Variants in ARK2C observed in about 807,000 individuals in gnomAD.
ARK2C encodes the protein E3 ubiquitin-protein ligase ARK2C.
the ARK2C span, among the ~76,000 whole-genome samples, chr18:46,411,638 C>T: frequency 6.6e-6 from 1 of 152,172 alleles, no homozygotes; most frequent in Non-Finnish European, 1.5e-5. Context: ...AGAGCCCATC[C>T]CAGGGAGGGG....
At chr18:46,415,324 C>T in the ARK2C span, among the ~76,000 whole-genome samples, 1 of 152,036 alleles carries the variant, frequency 6.6e-6, no homozygotes, top group African/African-American at 2.4e-5. Flanking sequence ...ATGGAGACCA[C>T]CCTGGCTAAC....
At chr18:46,389,079 G>T in the ARK2C span, among the ~76,000 whole-genome samples, 8 of 152,286 alleles carry the variant, frequency 5.3e-5, no homozygotes, top group Non-Finnish European at 8.8e-5. Context: ...GGAGGGGGAA[G>T]ACAGGCTTAG....
the ARK2C span, among the ~76,000 whole-genome samples, chr18:46,377,452 G>A: frequency 6.6e-6 from 1 of 152,192 alleles, no homozygotes; most frequent in African/African-American, 2.4e-5. Flanking sequence ...GGAGCATCCC[G>A]AGAACCCACA....
the ARK2C span, among the ~76,000 whole-genome samples, chr18:46,428,727 C>A: frequency 6.6e-6 from 1 of 152,184 alleles, no homozygotes; most frequent in Admixed American, 6.5e-5. Flanking sequence ...TAATTTTTTA[C>A]ATAGAATACA....
the ARK2C span, among the ~76,000 whole-genome samples, chr18:46,382,297 G>C: frequency 6.6e-6 from 1 of 152,168 alleles, no homozygotes; most frequent in African/African-American, 2.4e-5. Context: ...GCAGGAGCCC[G>C]TGCCTGGCCC....
the ARK2C span, among the ~76,000 whole-genome samples, chr18:46,425,312 G>A: frequency 5.5e-4 from 83 of 152,202 alleles, no homozygotes; most frequent in African/African-American, 2.0e-3. Context: ...TGGTCAGCTG[G>A]CAGGCCTGCA....
chr18:46,364,024 T>C, the ARK2C span, among the ~76,000 whole-genome samples: 3 of 149,118 alleles, frequency 2.0e-5, no homozygotes, highest in Admixed American at 1.3e-4. Context: ...CTCAGTTCAC[T>C]GCAACCTCTG....
chr18:46,372,734 A>G, the ARK2C span, among the ~76,000 whole-genome samples: 1 of 152,190 alleles, frequency 6.6e-6, no homozygotes, highest in Admixed American at 6.5e-5. Context: ...AGCTTCTGTT[A>G]CCTGTGGCCA....
the ARK2C span, chr18:46,335,045 C>CGT: frequency 0.44 from 64,394 of 145,716 alleles, 14,331 homozygotes; most frequent in South Asian, 0.52. Context: ...TGCTTGGGCG[C>CGT]GTGTGTGTGT....
the ARK2C span, among the ~76,000 whole-genome samples, chr18:46,410,627 A>G: frequency 6.6e-6 from 1 of 152,210 alleles, no homozygotes; most frequent in Non-Finnish European, 1.5e-5. Context: ...ATGCCCAGAA[A>G]CACTCAAATC....
At chr18:46,436,055 C>T in the ARK2C span, among the ~76,000 whole-genome samples, 1 of 152,180 alleles carries the variant, frequency 6.6e-6, no homozygotes, top group African/African-American at 2.4e-5. Flanking sequence ...TGCAGGGTCG[C>T]TTGGTTTTGG....
At chr18:46,456,706 A>C in the ARK2C span, 1 of 1,113,322 alleles carries the variant, frequency 9.0e-7, no homozygotes, top group South Asian at 1.3e-5. Flanking sequence ...CCTTGCAGCC[A>C]AACTTTGCCT....
At chr18:46,381,273 T>C in the ARK2C span, among the ~76,000 whole-genome samples, 2 of 152,242 alleles carry the variant, frequency 1.3e-5, no homozygotes, top group Non-Finnish European at 2.9e-5. Context: ...CCGTGGTCTC[T>C]GAGGAGTCAG....
the ARK2C span, among the ~76,000 whole-genome samples, chr18:46,404,002 A>T: frequency 6.6e-6 from 1 of 152,218 alleles, no homozygotes; most frequent in East Asian, 1.9e-4. Context: ...TGTGATTAAC[A>T]ATTCCCTCTT....
chr18:46,337,491 G>A, the ARK2C span: 12 of 985,260 alleles, frequency 1.2e-5, no homozygotes, highest in African/African-American at 1.7e-5. Flanking sequence ...TGTAGCCCGG[G>A]CCATCTGCTC....
chr18:46,378,814 T>G, the ARK2C span, among the ~76,000 whole-genome samples: 1 of 152,158 alleles, frequency 6.6e-6, no homozygotes, highest in Non-Finnish European at 1.5e-5. Flanking sequence ...CTGCTATGGA[T>G]GGTGGGGAGC....
the ARK2C span, among the ~76,000 whole-genome samples, chr18:46,398,898 AG>A: frequency 1.3e-5 from 2 of 151,806 alleles, no homozygotes; most frequent in African/African-American, 2.4e-5. Context: ...GTCATCGTCT[AG>A]GATGCACATG....
the ARK2C span, among the ~76,000 whole-genome samples, chr18:46,376,964 G>A: frequency 3.9e-5 from 6 of 152,118 alleles, no homozygotes; most frequent in East Asian, 1.9e-4. Context: ...CACAGGGCCC[G>A]GCCAAGAATC....
the ARK2C span, among the ~76,000 whole-genome samples, chr18:46,381,991 G>A: frequency 6.6e-6 from 1 of 152,198 alleles, no homozygotes; most frequent in African/African-American, 2.4e-5. Flanking sequence ...TCAGGGGTGA[G>A]ATGCTCTGCA....
Sources: allele counts gnomAD v4.1 joint callset (sites outside exome capture counted in the v4.1 genomes callset), GRCh38; gene constraint gnomAD v4.1.1; transcripts MANE v1.5; gene names NCBI Gene and HGNC (gene_info 2026-07-23, HGNC 2026-07-21).